Variants in NIPA1 observed in about 807,000 individuals in gnomAD.
The protein encoded by NIPA1 is NIPA magnesium transporter 1.
NIPA1 carries 13 observed loss-of-function variants against 23.9 expected under a neutral mutation model. The observed-to-expected ratio is 0.54, with a 90% confidence interval of 0.35 to 0.87. The LOEUF (loss-of-function observed/expected upper bound fraction) is 0.87. NIPA1 is among the 40% of genes least tolerant of loss of function. NIPA1 has a pLI of 0.01. For missense variants in NIPA1, 362 were observed against 429.7 expected (o/e 0.84, Z 1.39); for synonymous variants, 234 against 202.9 (o/e 1.15, Z -1.30).
chr15:22,814,111 A>G, intron 3 of NIPA1: 11 of 1,276,372 alleles, frequency 8.6e-6, no homozygotes, highest in South Asian at 1.2e-5. Context: ...ACCATGTCAG[A>G]TGGTGTTCTG....
Position 22,810,213 on chromosome 15 carries a change from C to T in NIPA1, c.179-536C>T, listed in dbSNP as rs75866824. Among the ~76,000 whole-genome samples, 6,277 of 152,192 alleles carry T rather than the reference C, an allele frequency of 0.041. 620 individuals are homozygous for T. The East Asian group carries it at 0.44, about 11-fold the overall frequency. ...ATGGGTGGGGTAACCTGAGAGGATG[C>T]CGGCAAGTCTCAGGTCAAATGTCAG... On this transcript the variant is annotated intron_variant, in intron 1 of 4. Transcript: ENST00000337435.
At chr15:22,794,314 A>G (rs527386443) in intron 1 of NIPA1, among the ~76,000 whole-genome samples, 2 of 118,964 alleles carry the variant, frequency 1.7e-5, no homozygotes, top group South Asian at 5.9e-4. Context: ...ACATTCATAG[A>G]GACAGGAAGT....
intron 1 of NIPA1, among the ~76,000 whole-genome samples, chr15:22,791,989 G>A (rs368359283): frequency 6.6e-6 from 1 of 152,044 alleles, no homozygotes; most frequent in Non-Finnish European, 1.5e-5. Context: ...TCCAGGGAGC[G>A]TGCTCTACAG....
rs76951859 is a variant in NIPA1 at position 22,813,007 on chromosome 15, C to T, written c.317+754C>T. 2.4e-4 allele frequency among the ~76,000 whole-genome samples: 36 copies of T among 152,290 alleles called. 1 individual carries two copies. The East Asian group carries it at 5.0e-3, about 21-fold the overall frequency. On this transcript the variant is annotated intron_variant, in intron 3 of 4. Transcript: ENST00000337435. ...TACAGAGGTTGGGATGAATAATACA[C>T]GGCATCAATGGATGTGAAATAGGAT...
chr15:22,820,022 A>G (rs1192033458), intron 3 of NIPA1, among the ~76,000 whole-genome samples: 1 of 151,994 alleles, frequency 6.6e-6, no homozygotes, highest in African/African-American at 2.4e-5. Context: ...AGTGAGACCC[A>G]GTCTCTACAC....
In NIPA1 at chr15:22,828,132, T is replaced by C. The variant is rs1299782415; in HGVS notation, c.*3893T>C. The C allele has an allele frequency of 6.6e-6, 1 of 152,576 alleles. No homozygotes were observed. Among genetic ancestry groups the C allele is most frequent in the African/African-American group, 2.4e-5 (1 of 41,414 alleles). 9.5% of individuals were successfully genotyped at this position (152,576 alleles called of 1,614,324 possible). ...TTCATGGTGTCTGACACCGAGGGCG[T>C]TGTTCGTCCATCAGGCGGGATTGGA... On this transcript the variant is annotated 3_prime_UTR_variant, in exon 5 of 5. Transcript: ENST00000337435.
rs866692415 is a variant in NIPA1, at chr15:22,796,983, C to T, written c.178+10149C>T. Reference sequence around the variant, plus strand: ...CTGGAAAGTACAGAAAATGGTGGTTCGGAAAGTGGAACTTACTCATCTCTC... The same window carrying T: ...CTGGAAAGTACAGAAAATGGTGGTTTGGAAAGTGGAACTTACTCATCTCTC... On this transcript the variant is annotated intron_variant, in intron 1 of 4. Coordinates refer to ENST00000337435, the MANE Select transcript of NIPA1 (RefSeq NM_144599.5). 3.9e-4 allele frequency among the ~76,000 whole-genome samples: 59 copies of T among 151,418 alleles called. 1 individual carries two copies. Among genetic ancestry groups the T allele is most frequent in the African/African-American group, 1.4e-3 (56 of 41,234 alleles).
chr15:22,825,290 T>C lies in NIPA1; in HGVS notation c.*1051T>C, dbSNP rs1295059477. ...ACATAGGAAAGGTACAGTAAAACTA[T>C]GGTATTACAATGTTATGGGACCACC... On this transcript the variant is annotated 3_prime_UTR_variant, in exon 5 of 5. Transcript: ENST00000337435. 1 of 152,216 alleles carries C rather than the reference T, an allele frequency of 6.6e-6. No individual in the cohort carries two copies. Among genetic ancestry groups the C allele is most frequent in the Non-Finnish European group, 1.5e-5 (1 of 68,042 alleles). The allele number at this position is 152,216 out of a possible 1,614,324, so 9.4% of individuals were successfully genotyped here.
rs186260895 is a variant in NIPA1 at position 22,828,274 on chromosome 15, A to G, written c.*4035A>G. The G allele has an allele frequency of 2.6e-5, 4 of 152,666 alleles. No individual in the cohort carries two copies. The highest frequency in any genetic ancestry group is 2.9e-5 in the Non-Finnish European group (2 of 68,016). The allele number at this position is 152,666 out of a possible 1,614,324, so 9.5% of individuals were successfully genotyped here. ...TTTTTCATAGGTTTTACTCATATTCATAGGTAGATTCTGTTAATGTGAGTT... is the reference window on the plus strand; with the variant it reads ...TTTTTCATAGGTTTTACTCATATTCGTAGGTAGATTCTGTTAATGTGAGTT... On this transcript the variant is annotated 3_prime_UTR_variant, in exon 5 of 5. Coordinates refer to ENST00000337435, the MANE Select transcript of NIPA1 (RefSeq NM_144599.5).
intron 1 of NIPA1, among the ~76,000 whole-genome samples, chr15:22,798,344 A>G (rs1300210742): frequency 6.9e-6 from 1 of 145,770 alleles, no homozygotes; most frequent in Non-Finnish European, 1.5e-5. Context: ...GGTTCACACC[A>G]TTCTCCTGCC....
chr15:22,821,754 T>TCG (rs1566788271), intron 4 of NIPA1, among the ~76,000 whole-genome samples: 20 of 152,092 alleles, frequency 1.3e-4, no homozygotes, highest in African/African-American at 3.9e-4. Context: ...TTGTCCACAC[T>TCG]CTCTGGTTTG....
At chr15:22,808,905 A>G (rs546876156) in intron 1 of NIPA1, among the ~76,000 whole-genome samples, 1 of 152,182 alleles carries the variant, frequency 6.6e-6, no homozygotes, top group South Asian at 2.1e-4. Flanking sequence ...CCTAGGCTCA[A>G]GTGATCATCC....
At chr15:22,794,937 C>G (rs904475675) in intron 1 of NIPA1, among the ~76,000 whole-genome samples, 1 of 152,102 alleles carries the variant, frequency 6.6e-6, no homozygotes, top group Admixed American at 6.6e-5. Flanking sequence ...ATTTGCATTC[C>G]CCCCCATCCC....
At position 22,797,909 on chromosome 15, in the gene NIPA1, A is replaced by G. The variant is rs1034025086; in HGVS notation, c.178+11075A>G. On this transcript the variant is annotated intron_variant, in intron 1 of 4. Coordinates refer to ENST00000337435, the MANE Select transcript of NIPA1 (RefSeq NM_144599.5). ...ACCCAGGCTGGAGTGCCGTGGCACA[A>G]TCTCGGCTCACTGCAAGCTCCGCCT... Among the ~76,000 whole-genome samples, 154 of 150,672 alleles carry G rather than the reference A, an allele frequency of 1.0e-3. 5 individuals are homozygous for G. Among genetic ancestry groups the G allele is most frequent in the Non-Finnish European group, 5.2e-4 (35 of 67,810 alleles).
Position 22,813,849 on chromosome 15 carries a change from C to T in NIPA1, c.317+1596C>T, listed in dbSNP as rs557420052. The T allele has an allele frequency of 2.0e-4, 75 of 382,798 alleles. No homozygotes were observed. In the East Asian group the frequency reaches 5.0e-3, roughly 25 times the overall value. 23.7% of individuals were successfully genotyped at this position (382,798 alleles called of 1,614,324 possible). A position where few individuals can be genotyped will look rare whatever the true frequency, so the allele number is the denominator to read the frequency against. Reference sequence around the variant, plus strand: ...CTTTGTGTTTCGGATGGCTCTGAGGCGCTGGGAGGGCAAGAGTGTTCTCAC... The same window carrying T: ...CTTTGTGTTTCGGATGGCTCTGAGGTGCTGGGAGGGCAAGAGTGTTCTCAC... On this transcript the variant is annotated intron_variant, in intron 3 of 4. Coordinates refer to ENST00000337435, the MANE Select transcript of NIPA1 (RefSeq NM_144599.5).
At chr15:22,788,751 C>T (rs555064928) in intron 1 of NIPA1, among the ~76,000 whole-genome samples, 1 of 150,866 alleles carries the variant, frequency 6.6e-6, no homozygotes, top group South Asian at 2.1e-4. Flanking sequence ...AAGCGAGTAG[C>T]CTTTTAAAAA....
chr15:22,807,710 C>G (rs1895237042), intron 1 of NIPA1, among the ~76,000 whole-genome samples: 1 of 152,008 alleles, frequency 6.6e-6, no homozygotes, highest in African/African-American at 2.4e-5. Context: ...AATCAAATTA[C>G]TAAAATCAGG....
In NIPA1 at chr15:22,797,754, C is replaced by T. The variant is rs141506721; in HGVS notation, c.178+10920C>T. Among the ~76,000 whole-genome samples the T allele has an allele frequency of 6.0e-3, 918 of 152,226 alleles. 10 individuals carry two copies. Among genetic ancestry groups the T allele is most frequent in the African/African-American group, 0.021 (852 of 41,536 alleles). On this transcript the variant is annotated intron_variant, in intron 1 of 4. Transcript: ENST00000337435. ...CTGACCTCACGTGATCCGCCCACCT[C>T]GGCCTCCCAAAGTATTGGGATTACA...
chr15:22,812,065 T>C (rs1895328494), intron 2 of NIPA1, 98 bp from the exon 3 acceptor site: 3 of 893,850 alleles, frequency 3.4e-6, no homozygotes, highest in Admixed American at 2.0e-5. Context: ...GTGAATGAAG[T>C]AGCCCTTTCA....
Sources: gnomAD v4.1 joint callset for allele counts (sites outside exome capture counted in the v4.1 genomes callset) on GRCh38, gnomAD v4.1.1 for gene constraint, MANE v1.5 for transcripts, NCBI Gene and HGNC (gene_info 2026-07-23, HGNC 2026-07-21) for gene names.